Variants in SLC2A4RG observed in about 807,000 individuals in gnomAD.
SLC2A4RG encodes SLC2A4 regulator.
Under a neutral mutation model 35.5 loss-of-function variants are expected in SLC2A4RG, and 23 were observed. The observed-to-expected ratio is 0.65, with a 90% CI of 0.47 to 0.92. The LOEUF is 0.92. Among genes scored for constraint, SLC2A4RG ranks in the 40% least tolerant of loss-of-function variants. The pLI is 0.00. For missense variants in SLC2A4RG, 539 were observed against 525.0 expected (o/e 1.03, Z -0.26); for synonymous variants, 306 against 243.7 (o/e 1.26, Z -2.38).
Position 63,742,579 on chromosome 20 carries a change from T to G in SLC2A4RG, c.924T>G (p.Ala308=). The change falls in exon 6 of 8, where the codon GCT becomes GCG. Residue 308 remains alanine, a synonymous_variant. Coordinates refer to ENST00000266077, the MANE Select transcript of SLC2A4RG (RefSeq NM_020062.4). ...CGCCCCCTGTCCTGAGCACCGTTGCTAACCCCCAGTCCTGTCACAGTGACC... is the reference window on the plus strand; with the variant it reads ...CGCCCCCTGTCCTGAGCACCGTTGCGAACCCCCAGTCCTGTCACAGTGACC... The part of the protein sequence containing the change: ...LPPPPVLSTV[A]NPQSCHSDRV... The G allele has an allele frequency of 6.3e-7, 1 of 1,579,212 alleles. No individual in the cohort carries two copies. The highest frequency in any genetic ancestry group is 8.6e-7 in the Non-Finnish European group (1 of 1,159,330).
intron 3 of SLC2A4RG, 65 bp from the exon 4 acceptor site, chr20:63,741,804 G>C: frequency 2.7e-6 from 4 of 1,484,586 alleles, no homozygotes; most frequent in Non-Finnish European, 3.6e-6. Context: ...AACAGGGGCA[G>C]CTCAGGATTA....
chr20:63,740,022 T>C lies in SLC2A4RG; in HGVS notation c.110T>C (p.Val37Ala). The change falls in exon 1 of 8, where the codon GTG becomes GCG. Residue 37 changes from valine (V) to alanine (A), a missense_variant. By Grantham distance (64) the Val-to-Ala change is moderately conservative. Coordinates refer to ENST00000266077, the MANE Select transcript of SLC2A4RG (RefSeq NM_020062.4). ...GGGCCGCGCGCCGCGCCCGTGACGGTGCCCACGCCGCCGCAGGTACCGGGC... is the reference window on the plus strand; with the variant it reads ...GGGCCGCGCGCCGCGCCCGTGACGGCGCCCACGCCGCCGCAGGTACCGGGC... ...GPGPRAAPVT[V>A]PTPPQGSSVG... 1.0e-6 allele frequency: 1 copy of C among 980,386 alleles called. No homozygotes were observed. Among genetic ancestry groups the C allele is most frequent in the South Asian group, 4.6e-5 (1 of 21,912 alleles). The allele number at this position is 980,386 out of a possible 1,614,324, so 60.7% of individuals were successfully genotyped here. A position where few individuals can be genotyped will look rare whatever the true frequency, so the allele number is the denominator to read the frequency against.
At chr20:63,741,289 C>G in intron 2 of SLC2A4RG, 81 bp from the exon 3 acceptor site, 1 of 1,298,956 alleles carries the variant, frequency 7.7e-7, no homozygotes, top group Non-Finnish European at 1.1e-6. Flanking sequence ...GCACGCGTGC[C>G]CAGGCCTGCA....
In SLC2A4RG at chr20:63,743,050, G is replaced by C; in HGVS notation, c.*60G>C. On this transcript the variant is annotated 3_prime_UTR_variant, in exon 8 of 8. Coordinates refer to ENST00000266077, the MANE Select transcript of SLC2A4RG (RefSeq NM_020062.4). ...CTCCCTCCCCACCCCCTCCAGGCCC[G>C]GGGCTGAAACAGCCCGAGGACAGCC... 1.4e-6 allele frequency: 2 copies of C among 1,419,350 alleles called. No homozygotes were observed. Among genetic ancestry groups the C allele is most frequent in the Non-Finnish European group, 1.9e-6 (2 of 1,055,024 alleles). The allele number at this position is 1,419,350 out of a possible 1,614,324, so 87.9% of individuals were successfully genotyped here.
rs1246696963 is a variant in SLC2A4RG, at chr20:63,743,962, A to AATCT, written c.*973_*976dup. ...AGATTATCCCCAGAAAAAAATCAAC[A>AATCT]ATCTTCAAACACTGCCCTTTTTTTG... On this transcript the variant is annotated 3_prime_UTR_variant, in exon 8 of 8. Transcript: ENST00000266077. The AATCT allele has an allele frequency of 6.6e-6, 1 of 152,660 alleles. No homozygotes were observed. Among genetic ancestry groups the AATCT allele is most frequent in the Non-Finnish European group, 1.5e-5 (1 of 68,038 alleles). The allele number at this position is 152,660 out of a possible 1,614,324, so 9.5% of individuals were successfully genotyped here. A position where few individuals can be genotyped will look rare whatever the true frequency, so the allele number is the denominator to read the frequency against.
Position 63,740,402 on chromosome 20 carries a change from C to A in SLC2A4RG, c.152C>A (p.Ala51Glu). 8.1e-7 allele frequency: 1 copy of A among 1,229,508 alleles called. No homozygotes were observed. Among genetic ancestry groups the A allele is most frequent in the Non-Finnish European group, 1.0e-6 (1 of 985,574 alleles). The allele number at this position is 1,229,508 out of a possible 1,614,324, so 76.2% of individuals were successfully genotyped here. A position where few individuals can be genotyped will look rare whatever the true frequency, so the allele number is the denominator to read the frequency against. The part of the protein sequence containing the change: ...PQGSSVGGGF[A>E]GLEFARPQES... ...GGCTCTTCCGTGGGCGGCGGCTTCG[C>A]GGGCTTGGAGTTCGCGCGGCCGCAG... The change falls in exon 2 of 8, where the codon GCG becomes GAG. Residue 51 changes from alanine to glutamate, a missense_variant. Ala to Glu is a moderately radical substitution (Grantham distance 107, BLOSUM62 -1). Transcript: ENST00000266077.
chr20:63,742,660 T>C, intron 6 of SLC2A4RG, 39 bp from the exon 7 acceptor site: 6 of 1,590,626 alleles, frequency 3.8e-6, no homozygotes, highest in Non-Finnish European at 5.1e-6. Context: ...CTCAGGGCTC[T>C]CTGGAGGGGA....
chr20:63,743,019 CA>C lies in SLC2A4RG; in HGVS notation c.*30del, dbSNP rs1313031629. 6.4e-7 allele frequency: 1 copy of C among 1,553,088 alleles called. No homozygotes were observed. The highest frequency in any genetic ancestry group is 1.4e-5 in the African/African-American group (1 of 73,878). ...CGGCTCGTTCAAGAACATAAGCTACCACCTTCTCCCTCCCCACCCCCTCCAG... is the reference window on the plus strand; with the variant it reads ...CGGCTCGTTCAAGAACATAAGCTACCCCTTCTCCCTCCCCACCCCCTCCAG... On this transcript the variant is annotated 3_prime_UTR_variant, in exon 8 of 8. Transcript: ENST00000266077.
In SLC2A4RG at chr20:63,742,623, A is replaced by G. The variant is rs754683576; in HGVS notation, c.960+8A>G. The G allele has an allele frequency of 6.3e-7, 1 of 1,575,158 alleles. No individual in the cohort carries two copies. Among genetic ancestry groups the G allele is most frequent in the African/African-American group, 1.3e-5 (1 of 74,370 alleles). ...AGTGACCGTGTCTACCAGGTGGGTG[A>G]GGCCACGGGTGGCAGCTGGGGCGGG... On this transcript the variant is annotated splice_region_variant and intron_variant, in intron 6 of 7. Transcript: ENST00000266077.
At chr20:63,740,180 G>T in intron 1 of SLC2A4RG, 142 bp downstream of exon 1, 1 of 400,010 alleles carries the variant, frequency 2.5e-6, no homozygotes, top group Non-Finnish European at 3.4e-6. Context: ...CGTGGGTCCC[G>T]CCGGGGCTGC....
intron 2 of SLC2A4RG, 134 bp from the exon 3 acceptor site, chr20:63,741,236 A>G (rs2145722038): frequency 1.3e-6 from 1 of 783,700 alleles, no homozygotes; most frequent in East Asian, 2.7e-5. Flanking sequence ...CTGGGGGAGG[A>G]GCCAGGCCTC....
rs2092063017 is a variant in SLC2A4RG at position 63,744,036 on chromosome 20, T to C, written c.*1046T>C. 1.3e-5 allele frequency: 2 copies of C among 152,404 alleles called. No individual in the cohort carries two copies. Among genetic ancestry groups the C allele is most frequent in the African/African-American group, 2.4e-5 (1 of 41,388 alleles). The allele number at this position is 152,404 out of a possible 1,614,324, so 9.4% of individuals were successfully genotyped here. A position where few individuals can be genotyped will look rare whatever the true frequency, so the allele number is the denominator to read the frequency against. On this transcript the variant is annotated 3_prime_UTR_variant, in exon 8 of 8. Coordinates refer to ENST00000266077, the MANE Select transcript of SLC2A4RG (RefSeq NM_020062.4). ...TTGAAAGCATGTTGAAAAAAATAAA[T>C]ATTTAAGAAAAGCACACACAGCACC...
chr20:63,742,730 A>C lies in SLC2A4RG; in HGVS notation c.992A>C (p.Gln331Pro). The C allele has an allele frequency of 6.3e-7, 1 of 1,597,796 alleles. No homozygotes were observed. Among genetic ancestry groups the C allele is most frequent in the South Asian group, 1.1e-5 (1 of 88,898 alleles). ...CTGACGCCCGCCCGCCTGGAGCCGC[A>C]GCCCACGGAGGTCGGAGCCTGCCCA... ...GCLTPARLEP[Q>P]PTEVGACPPA... is the part of the protein sequence containing the mutation. Residue 331 changes from glutamine to proline, a missense_variant, in exon 7 of 8, where the codon CAG (glutamine) becomes CCG (proline). Coordinates refer to ENST00000266077, the MANE Select transcript of SLC2A4RG (RefSeq NM_020062.4).
chr20:63,741,809 G>A (rs1283577498), intron 3 of SLC2A4RG, 60 bp from the exon 4 acceptor site: 1 of 1,498,786 alleles, frequency 6.7e-7, no homozygotes, highest in Non-Finnish European at 8.9e-7. Flanking sequence ...GGGCAGCTCA[G>A]GATTAGGGAC....
Position 63,742,630 on chromosome 20 carries a change from G to A in SLC2A4RG, c.960+15G>A, listed in dbSNP as rs2256814. 0.2 allele frequency: 316,845 copies of A among 1,575,744 alleles called. 36,886 individuals are homozygous for A. Among genetic ancestry groups the A allele is most frequent in the East Asian group, 0.58 (25,849 of 44,204 alleles). On this transcript the variant is annotated intron_variant, in intron 6 of 7. Coordinates refer to ENST00000266077, the MANE Select transcript of SLC2A4RG (RefSeq NM_020062.4). The stretch of plus-strand genomic sequence containing the variant: ...GTGTCTACCAGGTGGGTGAGGCCAC[G>A]GGTGGCAGCTGGGGCGGGTCTCAGG...
intron 1 of SLC2A4RG, 24 bp downstream of exon 1, chr20:63,740,062 G>A (rs1260174864): frequency 1.7e-5 from 16 of 954,994 alleles, no homozygotes; most frequent in Non-Finnish European, 2.0e-5. Flanking sequence ...GTGGGCGGGG[G>A]CGCCGACCAA....
At position 63,742,713 on chromosome 20, in the gene SLC2A4RG, C is replaced by T. The variant is rs562731725; in HGVS notation, c.975C>T (p.Pro325=). 2.1e-5 allele frequency: 34 copies of T among 1,594,900 alleles called. No homozygotes were observed. Among genetic ancestry groups the T allele is most frequent in the African/African-American group, 1.3e-4 (10 of 74,642 alleles). Residue 325 remains proline (P), a synonymous_variant, in exon 7 of 8, where the codon CCC becomes CCT. Coordinates refer to ENST00000266077, the MANE Select transcript of SLC2A4RG (RefSeq NM_020062.4). ...SDRVYQGCLT[P]ARLEPQPTEV... is the part of the protein sequence containing the mutation. ...TCTCCCTGTAGGGCTGCCTGACGCCCGCCCGCCTGGAGCCGCAGCCCACGG... is the reference window on the plus strand; with the variant it reads ...TCTCCCTGTAGGGCTGCCTGACGCCTGCCCGCCTGGAGCCGCAGCCCACGG...
At position 63,742,389 on chromosome 20, in the gene SLC2A4RG, A is replaced by G. The variant is rs748340652; in HGVS notation, c.734A>G (p.Glu245Gly). 1.2e-6 allele frequency: 2 copies of G among 1,611,934 alleles called. No homozygotes were observed. Among genetic ancestry groups the G allele is most frequent in the South Asian group, 1.1e-5 (1 of 90,990 alleles). The part of the protein sequence containing the change: ...SDGEEDFYYT[E>G]LDVGVDTLTD... ...GGTGAGGAGGACTTCTACTACACAG[A>G]GCTGGATGTTGGTGTGGACACGCTG... Residue 245 changes from glutamate (E) to glycine (G), a missense_variant, in exon 6 of 8, where the codon GAG becomes GGG. Coordinates refer to ENST00000266077, the MANE Select transcript of SLC2A4RG (RefSeq NM_020062.4).
In SLC2A4RG at chr20:63,742,209, A is replaced by G; in HGVS notation, c.659A>G (p.His220Arg). 1 of 1,597,560 alleles carries G rather than the reference A, an allele frequency of 6.3e-7. No homozygotes were observed. The highest frequency in any genetic ancestry group is 8.5e-7 in the Non-Finnish European group (1 of 1,172,562). ...VLSTASAMQR[H>R]IRLVHLGRQA... ...AGCACGGCGTCGGCGATGCAGAGAC[A>G]CATCCGCCTGGTGCACCTGGGGTGC... The change falls in exon 5 of 8, where the codon CAC becomes CGC. Residue 220 changes from histidine to arginine, a missense_variant. Physicochemically the swap from His to Arg is conservative, Grantham distance 29. Transcript: ENST00000266077.
Sources: allele counts gnomAD v4.1 joint callset, GRCh38; gene constraint gnomAD v4.1.1; transcripts MANE v1.5; gene names NCBI Gene and HGNC (gene_info 2026-07-23, HGNC 2026-07-21).